The following ZNF823 variants were observed in gnomAD, a reference collection of about 807,000 sequenced individuals.
ZNF823 encodes zinc finger protein 823.
In ZNF823, 5 loss-of-function variants were observed where a neutral mutation model predicts 11.4. The observed-to-expected ratio is 0.44, with a 90% CI of 0.23 to 0.92. The LOEUF is 0.92. Ranked by LOEUF, ZNF823 falls within the 40% of genes least tolerant of loss-of-function variation. The probability of loss-of-function intolerance (pLI) is 0.24; values close to 1 mark genes in which losing one functional copy is unlikely to be tolerated. For synonymous variants in ZNF823, 234 were observed against 250.5 expected, an observed-to-expected ratio of 0.93 and a Z score of 0.62; for missense variants, 582 against 738.5, an observed-to-expected ratio of 0.79 and a Z score of 2.46.
intron 1 of ZNF823, among the ~76,000 whole-genome samples, chr19:11,726,287 C>CATATATATATATATATATATAT (rs139368397): frequency 1.2e-4 from 13 of 112,220 alleles, no homozygotes; most frequent in African/African-American, 3.3e-4. Context: ...ATAAAAAATA[C>CATATATATATATATATATATAT]ATATATATAT....
rs555487174 is a variant in ZNF823, at chr19:11,732,377, G to A, written c.3+6440C>T. On this transcript the variant is annotated intron_variant, in intron 1 of 3. Coordinates refer to ENST00000341191, the MANE Select transcript of ZNF823 (RefSeq NM_001080493.4). ...AAACGGGGTTTCACCGTGTTAGCCA[G>A]GATGGTCTCGATCTCCAGACCTCAT... Among the ~76,000 whole-genome samples, 1,021 of 152,196 alleles carry A rather than the reference G, an allele frequency of 6.7e-3. 8 individuals are homozygous for A. The highest frequency in any genetic ancestry group is 8.3e-3 in the South Asian group (40 of 4,826).
At position 11,737,573 on chromosome 19, in the gene ZNF823, TTTTTTTTTTTC is replaced by T. The variant is rs1382419510; in HGVS notation, c.3+1233_3+1243del. ...CACCGCGCCCGGCTTTTTTTTTTTT[TTTTTTTTTTTC>T]ACACTGGAGTCAAGTGGTTATTCTT... On this transcript the variant is annotated intron_variant, in intron 1 of 3. Coordinates refer to ENST00000341191, the MANE Select transcript of ZNF823 (RefSeq NM_001080493.4). 1.6e-3 allele frequency among the ~76,000 whole-genome samples: 190 copies of T among 121,258 alleles called. 1 individual carries two copies. The highest frequency in any genetic ancestry group is 5.6e-3 in the African/African-American group (180 of 32,380). The allele number at this position is 121,258 out of a possible 152,430, so 79.5% of individuals were successfully genotyped here.
intron 2 of ZNF823, 57 bp downstream of exon 2, chr19:11,725,144 A>G: frequency 6.3e-7 from 1 of 1,589,440 alleles, no homozygotes; most frequent in African/African-American, 1.3e-5. Context: ...AACAGCGTTG[A>G]TGGCCAGGAA....
At position 11,738,840 on chromosome 19, in the gene ZNF823, G is replaced by C; in HGVS notation, c.-21C>G. The stretch of plus-strand genomic sequence containing the variant: ...ACCATTTCCCAGCTTCCAGGTGTCC[G>C]GGTGTCCTCCTTAAAAGCCAGTGTG... On this transcript the variant is annotated 5_prime_UTR_variant, in exon 1 of 4. Coordinates refer to ENST00000341191, the MANE Select transcript of ZNF823 (RefSeq NM_001080493.4). 2 of 1,608,134 alleles carry C rather than the reference G, an allele frequency of 1.2e-6. No individual in the cohort carries two copies. The highest frequency in any genetic ancestry group is 1.7e-6 in the Non-Finnish European group (2 of 1,177,394).
intron 1 of ZNF823, among the ~76,000 whole-genome samples, chr19:11,735,296 A>AAG (rs1974975515): frequency 6.6e-6 from 1 of 151,802 alleles, no homozygotes; most frequent in Non-Finnish European, 1.5e-5. Flanking sequence ...AAAAAAAAAA[A>AAG]AAAAGAAAAG....
chr19:11,726,623 C>T (rs535391955), intron 1 of ZNF823, among the ~76,000 whole-genome samples: 71 of 152,234 alleles, frequency 4.7e-4, no homozygotes, highest in African/African-American at 1.7e-3. Flanking sequence ...CCATGCGATA[C>T]CCTGTGCCAC....
At position 11,738,847 on chromosome 19, in the gene ZNF823, C is replaced by G; in HGVS notation, c.-28G>C. The G allele has an allele frequency of 1.2e-6, 2 of 1,607,012 alleles. No individual in the cohort carries two copies. Among genetic ancestry groups the G allele is most frequent in the Non-Finnish European group, 1.7e-6 (2 of 1,176,796 alleles). ...CCCAGCTTCCAGGTGTCCGGGTGTC[C>G]TCCTTAAAAGCCAGTGTGGGTCCCA... On this transcript the variant is annotated 5_prime_UTR_variant, in exon 1 of 4. Coordinates refer to ENST00000341191, the MANE Select transcript of ZNF823 (RefSeq NM_001080493.4).
At chr19:11,724,148 A>G (rs781045259) in intron 3 of ZNF823, 46 bp downstream of exon 3, 2 of 1,485,108 alleles carry the variant, frequency 1.3e-6, no homozygotes, top group South Asian at 1.3e-5. Flanking sequence ...TTATCATTCT[A>G]TGAACCACTG....
rs149461500 is a variant in ZNF823 at position 11,731,483 on chromosome 19, C to G, written c.4-6156G>C. On this transcript the variant is annotated intron_variant, in intron 1 of 3. Coordinates refer to ENST00000341191, the MANE Select transcript of ZNF823 (RefSeq NM_001080493.4). ...AGGCTCTGACCTGTGGTGCCTCTGA[C>G]TTCTGATAACAAAGGTGTGCCGTTC... Among the ~76,000 whole-genome samples, 5 of 152,288 alleles carry G rather than the reference C, an allele frequency of 3.3e-5. No homozygotes were observed. The East Asian group carries it at 7.7e-4, about 24-fold the overall frequency.
chr19:11,727,924 G>T (rs1408693673), intron 1 of ZNF823, among the ~76,000 whole-genome samples: 1 of 145,186 alleles, frequency 6.9e-6, no homozygotes, highest in African/African-American at 2.6e-5. Context: ...GTCTCGCTCT[G>T]TAGCCCAGGC....
intron 1 of ZNF823, among the ~76,000 whole-genome samples, chr19:11,729,088 T>A (rs1466133728): frequency 6.6e-6 from 1 of 151,120 alleles, no homozygotes; most frequent in East Asian, 1.9e-4. Context: ...GGCATGAGAA[T>A]CACTTGAACC....
chr19:11,736,415 A>T lies in ZNF823; in HGVS notation c.3+2402T>A, dbSNP rs919750625. Among the ~76,000 whole-genome samples the T allele has an allele frequency of 2.6e-5, 4 of 152,310 alleles. No individual in the cohort carries two copies. The South Asian group carries it at 6.2e-4, about 24-fold the overall frequency. ...ACGTCTGTAATCCTAGCTACTCAGG[A>T]GGCTGAGGTGGGATGATTGCTTGAA... On this transcript the variant is annotated intron_variant, in intron 1 of 3. Coordinates refer to ENST00000341191, the MANE Select transcript of ZNF823 (RefSeq NM_001080493.4).
Position 11,722,085 on chromosome 19 carries a change from G to A in ZNF823, c.1449C>T (p.Phe483=). ...CKECGKAFSC[F]KYLSQHKRTH... ...TCCTTTTATGTTGAGAAAGGTATTT[G>A]AAACAACTGAATGCTTTCCCACATT... The change falls in exon 4 of 4, where the codon TTC becomes TTT. Residue 483 remains phenylalanine (F), a synonymous_variant. Transcript: ENST00000341191. The surrounding 1 kb of genome is among the most constrained non-coding windows in gnomAD (Gnocchi z 5.2). 1.2e-6 allele frequency: 2 copies of A among 1,612,420 alleles called. No individual in the cohort carries two copies. The highest frequency in any genetic ancestry group is 1.7e-6 in the Non-Finnish European group (2 of 1,179,576).
rs1975045131 is a variant in ZNF823, at chr19:11,738,858, C to T, written c.-39G>A. On this transcript the variant is annotated 5_prime_UTR_variant, in exon 1 of 4. Transcript: ENST00000341191. ...GGTGTCCGGGTGTCCTCCTTAAAAG[C>T]CAGTGTGGGTCCCAGCGCGACAGAC... 1 of 1,603,314 alleles carries T rather than the reference C, an allele frequency of 6.2e-7. No homozygotes were observed. Among genetic ancestry groups the T allele is most frequent in the Non-Finnish European group, 8.5e-7 (1 of 1,175,184 alleles).
chr19:11,733,876 C>T (rs1285148053), intron 1 of ZNF823, among the ~76,000 whole-genome samples: 2 of 152,088 alleles, frequency 1.3e-5, no homozygotes, highest in Non-Finnish European at 2.9e-5. Flanking sequence ...GAATGTAAAA[C>T]CAGACTTCTA....
intron 1 of ZNF823, among the ~76,000 whole-genome samples, chr19:11,728,665 C>T (rs1974839540): frequency 6.6e-6 from 1 of 152,116 alleles, no homozygotes; most frequent in Admixed American, 6.5e-5. Flanking sequence ...AACAAGTAGA[C>T]TTACTATACT....
intron 1 of ZNF823, among the ~76,000 whole-genome samples, chr19:11,728,888 G>A (rs1458731527): frequency 6.6e-6 from 1 of 151,944 alleles, no homozygotes; most frequent in Admixed American, 6.6e-5. Context: ...AAAAAACAAG[G>A]CTGGAAGGGC....
rs533867791 is a variant in ZNF823, at chr19:11,723,626, A to G, written c.192-284T>C. 1.5e-4 allele frequency among the ~76,000 whole-genome samples: 23 copies of G among 152,190 alleles called. No individual in the cohort carries two copies. In the South Asian group the frequency reaches 4.2e-3, roughly 27 times the overall value. On this transcript the variant is annotated intron_variant, in intron 3 of 3. Coordinates refer to ENST00000341191, the MANE Select transcript of ZNF823 (RefSeq NM_001080493.4). ...AATGGCACAGTCTCGGCTCACTGCA[A>G]CCTCTGCCTCTCGGATTCAAGCAAT... is the stretch of plus-strand genomic sequence containing the variant.
intron 1 of ZNF823, among the ~76,000 whole-genome samples, chr19:11,731,451 C>T (rs896691702): frequency 3.3e-5 from 5 of 152,154 alleles, no homozygotes; most frequent in Non-Finnish European, 7.4e-5. Flanking sequence ...AACAGTCAGT[C>T]GGTTTAAGGC....
Sources: allele counts gnomAD v4.1 joint callset (sites outside exome capture counted in the v4.1 genomes callset), GRCh38; gene constraint gnomAD v4.1.1; non-coding constraint Gnocchi (gnomAD v3.1); transcripts MANE v1.5; gene names NCBI Gene and HGNC (gene_info 2026-07-23, HGNC 2026-07-21).